The following SLC8A3 variants were observed in gnomAD, a reference collection of about 807,000 sequenced individuals.
SLC8A3 encodes sodium/calcium exchanger 3.
SLC8A3 carries 37 observed loss-of-function variants against 65.4 expected under a neutral mutation model. The ratio of observed to expected loss-of-function variants is 0.57; its 90% CI spans 0.44 to 0.74. SLC8A3 has a LOEUF of 0.74. Among genes scored for constraint, SLC8A3 ranks in the 30% least tolerant of loss-of-function variants. The pLI, the probability that SLC8A3 is intolerant of heterozygous loss-of-function variation, is 0.00. For missense variants in SLC8A3, 1,112 were observed against 1,172.1 expected, an observed-to-expected ratio of 0.95 and a Z score of 0.75; for synonymous variants, 461 against 444.5, an observed-to-expected ratio of 1.04 and a Z score of -0.47.
intron 2 of SLC8A3, among the ~76,000 whole-genome samples, chr14:70,126,872 C>G (rs1351067900): frequency 6.6e-6 from 1 of 151,690 alleles, no homozygotes; most frequent in Non-Finnish European, 1.5e-5. Context: ...ATTAGGGATG[C>G]TGAACTGGTA....
At chr14:70,147,929 T>A (rs1170504041) in intron 2 of SLC8A3, among the ~76,000 whole-genome samples, 1 of 152,240 alleles carries the variant, frequency 6.6e-6, no homozygotes, top group Non-Finnish European at 1.5e-5. Context: ...CAGGTCCACC[T>A]GCCTCCAAAG....
chr14:70,065,340 G>A (rs1258298074), intron 2 of SLC8A3, among the ~76,000 whole-genome samples: 1 of 152,076 alleles, frequency 6.6e-6, no homozygotes, highest in Non-Finnish European at 1.5e-5. Context: ...CAGTTACCAA[G>A]ACACCTGGTC....
Position 70,167,023 on chromosome 14 carries a change from C to T in SLC8A3, c.1400G>A (p.Gly467Asp), listed in dbSNP as rs1242501484. 3 of 1,613,854 alleles carry T rather than the reference C, an allele frequency of 1.9e-6. No individual in the cohort carries two copies. The highest frequency in any genetic ancestry group is 4.5e-5 in the East Asian group (2 of 44,882). ...CTCAAAAATGTCGTCATCAATTATG[C>T]CCACGGAGAACTCCTTCTGGGTCTC... Reference protein sequence around the residue: ...PGETQKEFSVGIIDDDIFEED... With the variant: ...PGETQKEFSVDIIDDDIFEED... The change falls in exon 2 of 7, where the codon GGC becomes GAC. Residue 467 changes from glycine to aspartate, a missense_variant. Physicochemically the swap from Gly to Asp is moderately conservative, Grantham distance 94. Coordinates refer to ENST00000356921, the MANE Select transcript of SLC8A3 (RefSeq NM_182932.3).
chr14:70,081,732 C>T (rs529455725), intron 2 of SLC8A3, among the ~76,000 whole-genome samples: 1 of 152,244 alleles, frequency 6.6e-6, no homozygotes, highest in South Asian at 2.1e-4. Flanking sequence ...GATGAAAAGT[C>T]CCAAAGGAGC....
At position 70,045,609 on chromosome 14, in the gene SLC8A3, G is replaced by A. The variant is rs533303385; in HGVS notation, c.*338C>T. 4 of 207,188 alleles carry A rather than the reference G, an allele frequency of 1.9e-5. No homozygotes were observed. In the South Asian group the frequency reaches 4.7e-4, roughly 24 times the overall value. 12.8% of individuals were successfully genotyped at this position (207,188 alleles called of 1,614,324 possible). On this transcript the variant is annotated 3_prime_UTR_variant, in exon 7 of 7. Coordinates refer to ENST00000356921, the MANE Select transcript of SLC8A3 (RefSeq NM_182932.3). ...GCTTCCAAAGAAATGAGAGGCAAAGGAATAATCAAAAGATGGAATAGAAGG... is the reference window on the plus strand; with the variant it reads ...GCTTCCAAAGAAATGAGAGGCAAAGAAATAATCAAAAGATGGAATAGAAGG...
At chr14:70,069,487 G>A (rs1003362285) in intron 2 of SLC8A3, among the ~76,000 whole-genome samples, 2 of 152,180 alleles carry the variant, frequency 1.3e-5, no homozygotes, top group Non-Finnish European at 2.9e-5. Flanking sequence ...TCCTTGACCT[G>A]GGGCAGCTGG....
chr14:70,172,429 T>A (rs920867950), intron 1 of SLC8A3, among the ~76,000 whole-genome samples: 8 of 152,068 alleles, frequency 5.3e-5, no homozygotes, highest in African/African-American at 1.9e-4. Context: ...CTGTCCCACT[T>A]TGTTGTAGAA....
chr14:70,109,767 T>G (rs138733908), intron 2 of SLC8A3, among the ~76,000 whole-genome samples: 3,016 of 152,268 alleles, frequency 0.02, 59 homozygotes, highest in Admixed American at 0.047. Flanking sequence ...CAGCCCAATA[T>G]TTTAAAATAA....
At chr14:70,145,906 C>A (rs568359143) in intron 2 of SLC8A3, among the ~76,000 whole-genome samples, 6 of 142,856 alleles carry the variant, frequency 4.2e-5, no homozygotes, top group Admixed American at 1.4e-4. Flanking sequence ...CTCAAGGCAG[C>A]TGGTTTTAAA....
At chr14:70,151,669 T>C (rs1161543378) in intron 2 of SLC8A3, among the ~76,000 whole-genome samples, 1 of 152,206 alleles carries the variant, frequency 6.6e-6, no homozygotes, top group Non-Finnish European at 1.5e-5. Flanking sequence ...ACAAACGTGG[T>C]AGCTTAAAAC....
chr14:70,125,777 C>T (rs1488499259), intron 2 of SLC8A3, among the ~76,000 whole-genome samples: 5 of 151,802 alleles, frequency 3.3e-5, no homozygotes, highest in Admixed American at 3.3e-4. Flanking sequence ...TAAAAAAGAA[C>T]AAAAAACCCA....
At chr14:70,098,677 C>T (rs934964990) in intron 2 of SLC8A3, among the ~76,000 whole-genome samples, 13 of 152,230 alleles carry the variant, frequency 8.5e-5, no homozygotes, top group African/African-American at 2.9e-4. Context: ...TTAAAAGCCA[C>T]ACCGTGTGAG....
At chr14:70,119,219 T>C (rs1466875378) in intron 2 of SLC8A3, among the ~76,000 whole-genome samples, 1 of 152,060 alleles carries the variant, frequency 6.6e-6, no homozygotes, top group African/African-American at 2.4e-5. Flanking sequence ...AAAAGTACTA[T>C]ACAAAATAAA....
intron 1 of SLC8A3, among the ~76,000 whole-genome samples, chr14:70,188,031 A>G (rs1303125438): frequency 6.6e-6 from 1 of 151,676 alleles, no homozygotes; most frequent in East Asian, 1.9e-4. Flanking sequence ...CCCAAACAGC[A>G]CCCGCTACCA....
In SLC8A3 at chr14:70,120,874, G is replaced by A. The variant is rs142268011; in HGVS notation, c.1784+45765C>T. On this transcript the variant is annotated intron_variant, in intron 2 of 6. Coordinates refer to ENST00000356921, the MANE Select transcript of SLC8A3 (RefSeq NM_182932.3). ...TTTAAGATATGATTTCTGGCCCCACGATGGTCATAGTCTAGAGAGGAGTCA... is the reference window on the plus strand; with the variant it reads ...TTTAAGATATGATTTCTGGCCCCACAATGGTCATAGTCTAGAGAGGAGTCA... Among the ~76,000 whole-genome samples, 152 of 152,268 alleles carry A rather than the reference G, an allele frequency of 1.0e-3. 1 individual carries two copies. Among genetic ancestry groups the A allele is most frequent in the African/African-American group, 3.2e-3 (135 of 41,562 alleles).
intron 1 of SLC8A3, among the ~76,000 whole-genome samples, chr14:70,168,983 A>G (rs1041100833): frequency 3.9e-5 from 6 of 152,180 alleles, no homozygotes; most frequent in African/African-American, 1.2e-4. Flanking sequence ...TGTTTAATGT[A>G]TACATATTTC....
intron 2 of SLC8A3, among the ~76,000 whole-genome samples, chr14:70,066,849 C>G (rs1237292314): frequency 6.6e-6 from 1 of 152,066 alleles, no homozygotes; most frequent in Non-Finnish European, 1.5e-5. Context: ...AACAAAACAC[C>G]ATCACCTCTC....
chr14:70,071,286 C>A (rs548254188), intron 2 of SLC8A3, among the ~76,000 whole-genome samples: 1 of 152,284 alleles, frequency 6.6e-6, no homozygotes, highest in South Asian at 2.1e-4. Context: ...GTTATCACTC[C>A]TGAAATGTTA....
intron 2 of SLC8A3, among the ~76,000 whole-genome samples, chr14:70,078,818 A>G (rs1890772592): frequency 6.6e-6 from 1 of 152,222 alleles, no homozygotes. Context: ...CATGATTAGT[A>G]TGAAGATACA....
Sources: allele counts gnomAD v4.1 joint callset (sites outside exome capture counted in the v4.1 genomes callset), GRCh38; gene constraint gnomAD v4.1.1; transcripts MANE v1.5; gene names NCBI Gene and HGNC (gene_info 2026-07-23, HGNC 2026-07-21).